The following ROBO2 variants were observed in gnomAD, a reference collection of about 807,000 sequenced individuals.
ROBO2 encodes the protein roundabout homolog 2.
A neutral mutation model predicts 160.8 loss-of-function variants in ROBO2; 53 were observed. The ratio of observed to expected loss-of-function variants is 0.33; its 90% CI spans 0.26 to 0.41. ROBO2 has a LOEUF of 0.41. ROBO2 is among the 10% of genes least tolerant of loss of function. The pLI, the probability that ROBO2 is intolerant of heterozygous loss-of-function variation, is 1.00. For synonymous variants in ROBO2, 664 were observed against 611.7 expected (o/e 1.09, Z -1.26); for missense variants, 1,577 against 1,722.4 (o/e 0.92, Z 1.49).
At chr3:77,384,005 T>C (rs1333472434) in intron 2 of ROBO2, among the ~76,000 whole-genome samples, 1 of 151,888 alleles carries the variant, frequency 6.6e-6, no homozygotes, top group Non-Finnish European at 1.5e-5. Flanking sequence ...TTAGAAAGAG[T>C]TTACTAATTG....
At chr3:77,212,158 C>A (rs2084261906) in intron 2 of ROBO2, among the ~76,000 whole-genome samples, 1 of 152,246 alleles carries the variant, frequency 6.6e-6, no homozygotes, top group East Asian at 1.9e-4. Flanking sequence ...CTGTAAATTA[C>A]CTTGGGCAGT....
At chr3:76,262,352 A>G (rs1453278639) in intron 2 of ROBO2, among the ~76,000 whole-genome samples, 1 of 152,096 alleles carries the variant, frequency 6.6e-6, no homozygotes, top group Non-Finnish European at 1.5e-5. Flanking sequence ...AGATAATGCC[A>G]AAAGGTAGAT....
At chr3:77,488,397 C>T (rs890868923) in intron 4 of ROBO2, among the ~76,000 whole-genome samples, 2 of 152,212 alleles carry the variant, frequency 1.3e-5, no homozygotes, top group East Asian at 3.9e-4. Context: ...AGCAAACGAC[C>T]CTTGAGATTT....
chr3:77,359,581 G>A (rs1243332365), intron 2 of ROBO2, among the ~76,000 whole-genome samples: 1 of 152,138 alleles, frequency 6.6e-6, no homozygotes, highest in Non-Finnish European at 1.5e-5. Flanking sequence ...TGAGTGTGTT[G>A]TGGGTTGGGT....
At chr3:77,146,288 A>G (rs2077114999) in intron 2 of ROBO2, among the ~76,000 whole-genome samples, 1 of 152,038 alleles carries the variant, frequency 6.6e-6, no homozygotes, top group Non-Finnish European at 1.5e-5. Flanking sequence ...GAGGGTGGAG[A>G]GAGGGAGGAA....
At chr3:76,783,933 C>A (rs957491483) in intron 2 of ROBO2, among the ~76,000 whole-genome samples, 1 of 150,928 alleles carries the variant, frequency 6.6e-6, no homozygotes, top group Non-Finnish European at 1.5e-5. Flanking sequence ...TTTTATTCCA[C>A]TAATTGGATC....
At chr3:76,547,264 A>C (rs2083161451) in intron 2 of ROBO2, among the ~76,000 whole-genome samples, 1 of 151,994 alleles carries the variant, frequency 6.6e-6, no homozygotes, top group Non-Finnish European at 1.5e-5. Context: ...GTTTGACAGC[A>C]TATTTATTTT....
intron 2 of ROBO2, among the ~76,000 whole-genome samples, chr3:77,312,043 C>T (rs746121244): frequency 7.2e-5 from 11 of 151,918 alleles, no homozygotes; most frequent in South Asian, 2.1e-4. Context: ...CTGAGATCAC[C>T]CCATTGCACT....
At chr3:75,957,239 C>T (rs1243282070) in intron 2 of ROBO2, among the ~76,000 whole-genome samples, 1 of 74,034 alleles carries the variant, frequency 1.4e-5, no homozygotes, top group Non-Finnish European at 3.2e-5. Context: ...CACACGCACA[C>T]ACACACAAAA....
intron 2 of ROBO2, among the ~76,000 whole-genome samples, chr3:77,138,649 C>T (rs964777006): frequency 5.3e-5 from 8 of 150,894 alleles, no homozygotes; most frequent in Admixed American, 4.7e-4. Context: ...GTTTTTAAAA[C>T]GTTTTTCCTG....
intron 2 of ROBO2, among the ~76,000 whole-genome samples, chr3:76,108,826 G>C (rs2070075250): frequency 6.6e-6 from 1 of 150,900 alleles, no homozygotes; most frequent in South Asian, 2.1e-4. Flanking sequence ...TTGTAAAATA[G>C]GATAGAAGTC....
chr3:76,493,378 T>C (rs2079958818), intron 2 of ROBO2, among the ~76,000 whole-genome samples: 1 of 144,856 alleles, frequency 6.9e-6, no homozygotes, highest in African/African-American at 2.5e-5. Flanking sequence ...TGTATATACA[T>C]GTACAAAAAA....
At chr3:77,134,892 G>T (rs966365079) in intron 2 of ROBO2, among the ~76,000 whole-genome samples, 1 of 152,206 alleles carries the variant, frequency 6.6e-6, no homozygotes, top group African/African-American at 2.4e-5. Context: ...TTCCTCTACT[G>T]TGGATCATAG....
intron 2 of ROBO2, among the ~76,000 whole-genome samples, chr3:76,784,345 CTT>C (rs1366225293): frequency 1.3e-5 from 2 of 151,062 alleles, no homozygotes; most frequent in Non-Finnish European, 1.5e-5. Flanking sequence ...CTCCACTTCT[CTT>C]GTTTCTTCTT....
At chr3:76,194,350 GTAAATA>G (rs1358990192) in intron 2 of ROBO2, among the ~76,000 whole-genome samples, 3,943 of 42,028 alleles carry the variant, frequency 0.094, 144 homozygotes, top group Non-Finnish European at 0.16. Flanking sequence ...TGTATGGTGT[GTAAATA>G]TATATATATA....
chr3:77,494,524 G>A (rs986519251), intron 5 of ROBO2, among the ~76,000 whole-genome samples: 5 of 152,172 alleles, frequency 3.3e-5, no homozygotes, highest in Non-Finnish European at 5.9e-5. Context: ...GTTGCAGTGA[G>A]TCAAGATCGT....
At chr3:77,212,416 C>T (rs1219086065) in intron 2 of ROBO2, among the ~76,000 whole-genome samples, 2 of 152,106 alleles carry the variant, frequency 1.3e-5, no homozygotes, top group Admixed American at 1.3e-4. Context: ...GATTTTTGGA[C>T]ATTGATTTTG....
chr3:76,440,143 T>TG (rs998138578), intron 2 of ROBO2, among the ~76,000 whole-genome samples: 2 of 152,048 alleles, frequency 1.3e-5, no homozygotes, highest in African/African-American at 4.8e-5. Context: ...TGAAATGATG[T>TG]GGGGGGAAAG....
chr3:76,151,471 A>G (rs1271241753), intron 2 of ROBO2, among the ~76,000 whole-genome samples: 3 of 152,132 alleles, frequency 2.0e-5, no homozygotes, highest in Non-Finnish European at 4.4e-5. Flanking sequence ...TTATATGATG[A>G]GCTAATATTT....
Sources: allele counts gnomAD v4.1 joint callset (sites outside exome capture counted in the v4.1 genomes callset), GRCh38; gene constraint gnomAD v4.1.1; transcripts MANE v1.5; gene names NCBI Gene and HGNC (gene_info 2026-07-23, HGNC 2026-07-21).